The following MAML3 variants were observed in gnomAD, a reference collection of about 807,000 sequenced individuals.
MAML3 encodes the protein mastermind-like protein 3.
Under a neutral mutation model 101.9 loss-of-function variants are expected in MAML3, and 27 were observed. The ratio of observed to expected loss-of-function variants is 0.27; its 90% confidence interval spans 0.20 to 0.37. The LOEUF is 0.37. Ranked by LOEUF, MAML3 falls within the 10% of genes least tolerant of loss-of-function variation. The probability of loss-of-function intolerance (pLI) is 1.00; values close to 1 mark genes in which losing one functional copy is unlikely to be tolerated. For missense variants in MAML3, 1,316 were observed against 1,444.9 expected (o/e 0.91, Z 1.45); for synonymous variants, 501 against 555.9 (o/e 0.90, Z 1.39).
At chr4:140,090,344 T>C (rs1728022704) in intron 1 of MAML3, among the ~76,000 whole-genome samples, 1 of 152,228 alleles carries the variant, frequency 6.6e-6, no homozygotes, top group Non-Finnish European at 1.5e-5. Context: ...GTTAGAATGT[T>C]GTTGTTATCT....
In MAML3 at chr4:139,719,738, T is replaced by A. The variant is rs1371057787; in HGVS notation, c.3002A>T (p.His1001Leu). The change falls in exon 5 of 5, where the codon CAC (histidine) becomes CTC (leucine). Residue 1001 changes from histidine to leucine, a missense_variant. Coordinates refer to ENST00000509479, the MANE Select transcript of MAML3 (RefSeq NM_018717.5). ...TGACTGGCTCAGTCCCTGTGGGAAGTGCTGCTTGGTCAGTCTCGGCTGCCC... is the reference window on the plus strand; with the variant it reads ...TGACTGGCTCAGTCCCTGTGGGAAGAGCTGCTTGGTCAGTCTCGGCTGCCC... ...QAGQPRLTKQHFPQGLSQSVV... is the reference protein window; with the variant it reads ...QAGQPRLTKQLFPQGLSQSVV... The A allele has an allele frequency of 6.2e-7, 1 of 1,613,664 alleles. No individual in the cohort carries two copies. Among genetic ancestry groups the A allele is most frequent in the African/African-American group, 1.3e-5 (1 of 74,950 alleles).
At chr4:139,988,305 C>A (rs10009163) in intron 1 of MAML3, among the ~76,000 whole-genome samples, 1 of 124,278 alleles carries the variant, frequency 8.0e-6, no homozygotes, top group African/African-American at 3.3e-5. Flanking sequence ...CCAGCCTGGG[C>A]GACAGAGTGA....
chr4:140,071,820 C>G (rs1458699693), intron 1 of MAML3, among the ~76,000 whole-genome samples: 2 of 149,550 alleles, frequency 1.3e-5, no homozygotes, highest in Non-Finnish European at 3.0e-5. Flanking sequence ...TCTCAGTGAC[C>G]AGCTGAACAG....
At chr4:139,899,643 C>T (rs1026804337) in intron 1 of MAML3, among the ~76,000 whole-genome samples, 2 of 152,138 alleles carry the variant, frequency 1.3e-5, no homozygotes, top group South Asian at 2.1e-4. Flanking sequence ...GATCTATGTG[C>T]AGGGCAGACT....
intron 2 of MAML3, among the ~76,000 whole-genome samples, chr4:139,798,477 G>A (rs1433770906): frequency 6.6e-6 from 1 of 152,178 alleles, no homozygotes; most frequent in Non-Finnish European, 1.5e-5. Flanking sequence ...TGCAGGGACA[G>A]GTACCACACT....
intron 1 of MAML3, among the ~76,000 whole-genome samples, chr4:140,141,885 C>T (rs1206184542): frequency 1.3e-5 from 2 of 152,124 alleles, no homozygotes; most frequent in African/African-American, 4.8e-5. Flanking sequence ...AAGAGATTTT[C>T]CCGCCAACTT....
At chr4:139,736,521 G>A (rs1728954162) in intron 2 of MAML3, among the ~76,000 whole-genome samples, 2 of 151,528 alleles carry the variant, frequency 1.3e-5, no homozygotes, top group African/African-American at 4.9e-5. Flanking sequence ...ATACTCATAA[G>A]ACTCCTTGAC....
intron 2 of MAML3, among the ~76,000 whole-genome samples, chr4:139,835,887 C>A (rs1261306009): frequency 6.6e-6 from 1 of 152,116 alleles, no homozygotes; most frequent in Non-Finnish European, 1.5e-5. Context: ...GGGAAAAATT[C>A]CATCTATATA....
chr4:139,867,572 C>CT (rs1425674131), intron 2 of MAML3, among the ~76,000 whole-genome samples: 2 of 152,146 alleles, frequency 1.3e-5, no homozygotes, highest in Non-Finnish European at 2.9e-5. Context: ...AGAGGCTTGC[C>CT]CCAGGCACAT....
intron 1 of MAML3, among the ~76,000 whole-genome samples, chr4:140,143,122 T>A (rs1458707895): frequency 6.6e-6 from 1 of 152,212 alleles, no homozygotes; most frequent in African/African-American, 2.4e-5. Context: ...TTTACATGTC[T>A]AATAAGACAA....
intron 2 of MAML3, among the ~76,000 whole-genome samples, chr4:139,762,382 G>A (rs1453933458): frequency 6.6e-6 from 1 of 152,164 alleles, no homozygotes; most frequent in Non-Finnish European, 1.5e-5. Flanking sequence ...ATGAATAAGG[G>A]ACAGTGATTG....
At chr4:139,888,091 G>T (rs945988757) in intron 2 of MAML3, among the ~76,000 whole-genome samples, 6 of 152,172 alleles carry the variant, frequency 3.9e-5, no homozygotes, top group African/African-American at 1.4e-4. Flanking sequence ...GTAAGGCTGA[G>T]GACAAGAATG....
chr4:139,956,589 T>C (rs1733921654), intron 1 of MAML3, among the ~76,000 whole-genome samples: 1 of 152,122 alleles, frequency 6.6e-6, no homozygotes. Context: ...AGCCCTTTAT[T>C]CCTCCCACAG....
chr4:139,927,751 T>C (rs1388165901), intron 1 of MAML3, among the ~76,000 whole-genome samples: 1 of 152,202 alleles, frequency 6.6e-6, no homozygotes, highest in African/African-American at 2.4e-5. Context: ...TGGGAACACA[T>C]TTATGCGGAC....
chr4:139,968,309 T>TA (rs60977680), intron 1 of MAML3, among the ~76,000 whole-genome samples: 1,567 of 106,192 alleles, frequency 0.015, 24 homozygotes, highest in African/African-American at 0.035. Context: ...GGCTCTGTCT[T>TA]AAAAAAAAAA....
At chr4:140,085,257 TTA>T (rs1417605056) in intron 1 of MAML3, among the ~76,000 whole-genome samples, 1 of 152,186 alleles carries the variant, frequency 6.6e-6, no homozygotes, top group African/African-American at 2.4e-5. Flanking sequence ...TAATGGGTAG[TTA>T]AACATTTGCG....
intron 2 of MAML3, among the ~76,000 whole-genome samples, chr4:139,754,899 C>G (rs970584381): frequency 6.6e-6 from 1 of 152,206 alleles, no homozygotes; most frequent in African/African-American, 2.4e-5. Context: ...CCCTCAGTTT[C>G]TCTTCCTCTG....
chr4:140,132,637 A>C (rs1459323013), intron 1 of MAML3, among the ~76,000 whole-genome samples: 1 of 152,254 alleles, frequency 6.6e-6, no homozygotes, highest in East Asian at 1.9e-4. Context: ...CGAAGAAGGC[A>C]ACGTCTGCAA....
intron 1 of MAML3, among the ~76,000 whole-genome samples, chr4:140,059,416 A>G (rs1413130295): frequency 6.6e-6 from 1 of 152,202 alleles, no homozygotes; most frequent in African/African-American, 2.4e-5. Flanking sequence ...TATGGATGGA[A>G]AAGTTTCAAA....
Sources: gnomAD v4.1 joint callset for allele counts (sites outside exome capture counted in the v4.1 genomes callset) on GRCh38, gnomAD v4.1.1 for gene constraint, MANE v1.5 for transcripts, NCBI Gene and HGNC (gene_info 2026-07-23, HGNC 2026-07-21) for gene names.